Variants in PIK3R6 observed in about 807,000 individuals in gnomAD.
The protein encoded by PIK3R6 is phosphoinositide 3-kinase regulatory subunit 6.
Under a neutral mutation model 84.9 loss-of-function variants are expected in PIK3R6, and 91 were observed. That is an observed-to-expected ratio of 1.07 (90% CI 0.90 to 1.28). The LOEUF (loss-of-function observed/expected upper bound fraction) is 1.28, where lower values mean the gene tolerates loss of function less well. PIK3R6 is among the 50% of genes most tolerant of loss of function. The pLI is 0.00. For missense variants in PIK3R6, 996 were observed against 985.1 expected (o/e 1.01, Z -0.15); for synonymous variants, 416 against 411.4 (o/e 1.01, Z -0.13).
chr17:8,813,548 G>T (rs1484423629), intron 18 of PIK3R6, among the ~76,000 whole-genome samples: 1 of 152,134 alleles, frequency 6.6e-6, no homozygotes, highest in Non-Finnish European at 1.5e-5. Context: ...GAATCAAAAA[G>T]ATAATGCACT....
intron 1 of PIK3R6, among the ~76,000 whole-genome samples, chr17:8,867,129 A>G (rs1398882212): frequency 6.6e-6 from 1 of 152,170 alleles, no homozygotes; most frequent in Non-Finnish European, 1.5e-5. Flanking sequence ...TCTGTTCTAT[A>G]AAATGGCACT....
intron 2 of PIK3R6, among the ~76,000 whole-genome samples, chr17:8,845,092 A>G (rs982588235): frequency 1.3e-4 from 20 of 152,194 alleles, no homozygotes; most frequent in African/African-American, 4.8e-4. Context: ...ACCTAAGTAG[A>G]TGCCACATTT....
chr17:8,807,435 C>G (rs2087237050), intron 18 of PIK3R6, among the ~76,000 whole-genome samples: 1 of 152,100 alleles, frequency 6.6e-6, no homozygotes, highest in Non-Finnish European at 1.5e-5. Context: ...TAGCTGTGTC[C>G]CCAGGGTCCT....
chr17:8,835,889 C>T (rs900079192), intron 7 of PIK3R6, among the ~76,000 whole-genome samples: 1 of 152,184 alleles, frequency 6.6e-6, no homozygotes, highest in Non-Finnish European at 1.5e-5. Context: ...ACCTCCCCTA[C>T]TCCCTCCTCC....
Position 8,828,988 on chromosome 17 carries a change from T to C in PIK3R6, c.892A>G (p.Lys298Glu), listed in dbSNP as rs765895203. Residue 298 changes from lysine (K) to glutamate (E), a missense_variant and splice_region_variant, in exon 11 of 20, where the codon AAG (lysine) becomes GAG (glutamate). Lys to Glu is a moderately conservative substitution (Grantham distance 56, BLOSUM62 1). Transcript: ENST00000619866. ...GGGCGGAGGAAGAGCACCAGTTCCT[T>C]CCCTGGGGTGGGGGAACAAGGGCGG... Reference protein sequence around the residue: ...HLWTGEEQLWKELVLFLRPRS... With the variant: ...HLWTGEEQLWEELVLFLRPRS... The C allele has an allele frequency of 1.3e-6, 2 of 1,493,528 alleles. No individual in the cohort carries two copies. The highest frequency in any genetic ancestry group is 2.8e-5 in the African/African-American group (2 of 70,492). 92.5% of individuals were successfully genotyped at this position (1,493,528 alleles called of 1,614,324 possible).
chr17:8,845,040 A>C (rs191126976), intron 2 of PIK3R6, among the ~76,000 whole-genome samples: 114 of 152,324 alleles, frequency 7.5e-4, no homozygotes, highest in Non-Finnish European at 1.1e-3. Context: ...TCCATGTTGT[A>C]TATGTAACAC....
intron 1 of PIK3R6, among the ~76,000 whole-genome samples, chr17:8,864,660 C>T (rs916914143): frequency 2.6e-5 from 4 of 151,164 alleles, no homozygotes; most frequent in Non-Finnish European, 5.9e-5. Context: ...GCCTCAGCCT[C>T]CCGAGTACCT....
At chr17:8,835,174 T>A (rs1005538404) in intron 8 of PIK3R6, 99 bp downstream of exon 8, 1 of 1,230,272 alleles carries the variant, frequency 8.1e-7, no homozygotes, top group Admixed American at 3.0e-5. Flanking sequence ...GAAAAGGTGA[T>A]GCGAAACAGG....
intron 1 of PIK3R6, among the ~76,000 whole-genome samples, chr17:8,864,639 G>T (rs1379609938): frequency 6.7e-6 from 1 of 149,200 alleles, no homozygotes; most frequent in Non-Finnish European, 1.5e-5. Context: ...CTGGGTTCAG[G>T]TGATTCTCCA....
At chr17:8,827,491 A>G (rs2087962841) in intron 12 of PIK3R6, among the ~76,000 whole-genome samples, 197 bp from the exon 13 acceptor site, 1 of 152,214 alleles carries the variant, frequency 6.6e-6, no homozygotes, top group African/African-American at 2.4e-5. Flanking sequence ...AGGTTCACTC[A>G]GCAGGGACAT....
rs114497777 is a variant in PIK3R6, at chr17:8,861,295, A to G, written c.-92+6234T>C. On this transcript the variant is annotated intron_variant, in intron 1 of 19. Coordinates refer to ENST00000619866, the MANE Select transcript of PIK3R6 (RefSeq NM_001010855.4). The stretch of plus-strand genomic sequence containing the variant: ...AAAAGTTAATTGCAGAATGTCTGAA[A>G]TGGGCTGGGCATTAGGGTTGCCACA... 3.6e-3 allele frequency among the ~76,000 whole-genome samples: 554 copies of G among 152,284 alleles called. 7 individuals carry two copies. The highest frequency in any genetic ancestry group is 0.013 in the African/African-American group (531 of 41,548).
chr17:8,829,537 C>A (rs1434128433), intron 10 of PIK3R6, among the ~76,000 whole-genome samples, 169 bp downstream of exon 10: 1 of 149,996 alleles, frequency 6.7e-6, no homozygotes, highest in African/African-American at 2.5e-5. Flanking sequence ...CTGACACACG[C>A]ATGCACACAG....
intron 1 of PIK3R6, among the ~76,000 whole-genome samples, chr17:8,854,452 C>G (rs901187659): frequency 6.6e-6 from 1 of 152,086 alleles, no homozygotes; most frequent in Non-Finnish European, 1.5e-5. Context: ...CAGCTTCGCA[C>G]TCCTTATTTT....
At position 8,836,934 on chromosome 17, in the gene PIK3R6, G is replaced by A; in HGVS notation, c.259-11C>T. On this transcript the variant is annotated splice_polypyrimidine_tract_variant and intron_variant, in intron 5 of 19. Coordinates refer to ENST00000619866, the MANE Select transcript of PIK3R6 (RefSeq NM_001010855.4). ...TGTGATTCCTGTGGCCTGGGTGAGA[G>A]GGAGGAGGGGGAGGTGAGAGGGAGG... 6.5e-7 allele frequency: 1 copy of A among 1,544,212 alleles called. No individual in the cohort carries two copies.
At chr17:8,808,575 C>A (rs77346871) in intron 18 of PIK3R6, among the ~76,000 whole-genome samples, 1,657 of 152,278 alleles carry the variant, frequency 0.011, 40 homozygotes, top group African/African-American at 0.037. Context: ...AAAGTACTGG[C>A]TTTGATTTTT....
At chr17:8,865,765 G>A (rs1332375978) in intron 1 of PIK3R6, among the ~76,000 whole-genome samples, 1 of 151,966 alleles carries the variant, frequency 6.6e-6, no homozygotes, top group African/African-American at 2.4e-5. Flanking sequence ...GAGCCGGGAG[G>A]TGAGGGTCCT....
At chr17:8,864,699 A>G (rs1221039517) in intron 1 of PIK3R6, among the ~76,000 whole-genome samples, 4 of 151,590 alleles carry the variant, frequency 2.6e-5, no homozygotes, top group Non-Finnish European at 5.9e-5. Flanking sequence ...CACCACGCCC[A>G]GCTAATTTGT....
intron 9 of PIK3R6, among the ~76,000 whole-genome samples, chr17:8,831,222 C>T (rs1319173279): frequency 7.8e-5 from 11 of 141,306 alleles, no homozygotes; most frequent in African/African-American, 1.6e-4. Context: ...CCCAGCTAGT[C>T]GAAAGGCTGA....
intron 18 of PIK3R6, among the ~76,000 whole-genome samples, chr17:8,816,267 G>A (rs997332556): frequency 2.6e-5 from 4 of 152,136 alleles, no homozygotes; most frequent in African/African-American, 9.7e-5. Flanking sequence ...TATTAAACAG[G>A]CATGCCATTT....
Sources: allele counts gnomAD v4.1 joint callset (sites outside exome capture counted in the v4.1 genomes callset), GRCh38; gene constraint gnomAD v4.1.1; transcripts MANE v1.5; gene names NCBI Gene and HGNC (gene_info 2026-07-23, HGNC 2026-07-21).